RBFOX1: variants seen among roughly 807,000 people sequenced by gnomAD.
The protein encoded by RBFOX1 is RNA binding protein fox-1 homolog 1.
In RBFOX1, 8 loss-of-function variants were observed where a neutral mutation model predicts 57.7. The ratio of observed to expected loss-of-function variants is 0.14; its 90% CI spans 0.08 to 0.25. The LOEUF is 0.25. Ranked by LOEUF, RBFOX1 falls within the 10% of genes least tolerant of loss-of-function variation. The pLI is 1.00. For synonymous variants in RBFOX1, 326 were observed against 222.4 expected, an observed-to-expected ratio of 1.47 and a Z score of -4.15; for missense variants, 611 against 548.5, an observed-to-expected ratio of 1.11 and a Z score of -1.14.
intron 3 of RBFOX1, among the ~76,000 whole-genome samples, chr16:6,951,725 C>G (rs952459032): frequency 1.3e-5 from 2 of 152,080 alleles, no homozygotes; most frequent in Non-Finnish European, 2.9e-5. Context: ...AGACTCCACA[C>G]TTCTCTCTTT....
intron 3 of RBFOX1, among the ~76,000 whole-genome samples, chr16:6,859,111 G>GTATATATATATATA (rs796794349): frequency 7.7e-5 from 5 of 65,078 alleles, no homozygotes; most frequent in Middle Eastern, 6.5e-3. Flanking sequence ...TAAAAAAAGT[G>GTATATATATATATA]TATATATATA....
chr16:7,035,883 GACACACAC>G (rs34773276), intron 3 of RBFOX1, among the ~76,000 whole-genome samples: 4 of 151,060 alleles, frequency 2.6e-5, no homozygotes, highest in Admixed American at 6.6e-5. Flanking sequence ...TGTGAACACA[GACACACAC>G]ACACACACAT....
chr16:6,696,947 G>A (rs2061142285), intron 3 of RBFOX1, among the ~76,000 whole-genome samples: 1 of 152,172 alleles, frequency 6.6e-6, no homozygotes, highest in South Asian at 2.1e-4. Flanking sequence ...AGGCTAAAAT[G>A]CCTGTAGCCT....
chr16:5,442,048 C>T (rs984790098), intron 1 of RBFOX1, among the ~76,000 whole-genome samples: 1 of 152,132 alleles, frequency 6.6e-6, no homozygotes, highest in Admixed American at 6.5e-5. Flanking sequence ...GACATGTAAT[C>T]AAGCAGTCGT....
intron 3 of RBFOX1, among the ~76,000 whole-genome samples, chr16:6,944,882 G>C (rs372181862): frequency 9.9e-5 from 15 of 152,256 alleles, no homozygotes; most frequent in African/African-American, 3.6e-4. Context: ...TGGCTGATTC[G>C]TGGGTAGCTA....
At chr16:6,979,136 G>C (rs1173903828) in intron 3 of RBFOX1, among the ~76,000 whole-genome samples, 2 of 152,168 alleles carry the variant, frequency 1.3e-5, no homozygotes, top group African/African-American at 4.8e-5. Flanking sequence ...CCAAAAATCA[G>C]ACCTGAATTC....
At chr16:6,660,224 T>TAAA (rs112347010) in intron 3 of RBFOX1, among the ~76,000 whole-genome samples, 1 of 122,736 alleles carries the variant, frequency 8.1e-6, no homozygotes. Flanking sequence ...GACTTCATCT[T>TAAA]AAAAAAAAAA....
chr16:6,359,768 C>G (rs1447126336), intron 2 of RBFOX1, among the ~76,000 whole-genome samples: 1 of 152,162 alleles, frequency 6.6e-6, no homozygotes, highest in Non-Finnish European at 1.5e-5. Context: ...TACTTATACA[C>G]AGCCGACTTA....
At chr16:5,747,208 C>T (rs1217645710) in intron 3 of RBFOX1, among the ~76,000 whole-genome samples, 1 of 152,178 alleles carries the variant, frequency 6.6e-6, no homozygotes, top group Non-Finnish European at 1.5e-5. Context: ...ATATGTTGAA[C>T]CAGCCTTGCA....
intron 2 of RBFOX1, among the ~76,000 whole-genome samples, chr16:6,489,497 A>G (rs796167410): frequency 9.9e-5 from 15 of 152,284 alleles, no homozygotes; most frequent in African/African-American, 3.6e-4. Context: ...ATGAGATCAC[A>G]CAGCTTCTAA....
At chr16:7,104,730 T>C (rs2063280946) in intron 4 of RBFOX1, among the ~76,000 whole-genome samples, 1 of 152,160 alleles carries the variant, frequency 6.6e-6, no homozygotes, top group Non-Finnish European at 1.5e-5. Flanking sequence ...GGAACTCTAA[T>C]GTTCATTTTC....
chr16:7,563,869 C>G (rs1393860906), intron 5 of RBFOX1, among the ~76,000 whole-genome samples: 7 of 152,244 alleles, frequency 4.6e-5, no homozygotes, highest in Non-Finnish European at 2.9e-5. Context: ...ATTCCACTTT[C>G]TGATAAGCAG....
chr16:6,888,805 C>T (rs939694589), intron 3 of RBFOX1, among the ~76,000 whole-genome samples: 1 of 152,102 alleles, frequency 6.6e-6, no homozygotes, highest in African/African-American at 2.4e-5. Flanking sequence ...TATTGTGTTA[C>T]CAAACATTAG....
intron 1 of RBFOX1, among the ~76,000 whole-genome samples, chr16:5,298,663 C>A (rs865789429): frequency 4.9e-5 from 1 of 20,270 alleles, no homozygotes; most frequent in Non-Finnish European, 1.1e-4. Context: ...CCTCCCTCCC[C>A]CCTCCCCCAT....
rs1480007479 is a variant in RBFOX1, at chr16:6,414,564, CT to C, written c.-64+97508del. On this transcript the variant is annotated intron_variant, in intron 2 of 15. Transcript: ENST00000550418. The stretch of plus-strand genomic sequence containing the variant: ...CAAGTGCAAAGAAGAAAATAAAGTA[CT>C]GTGTAAGTTCGTTAAGCAAAGGGGT... Among the ~76,000 whole-genome samples, 10 of 152,272 alleles carry C rather than the reference CT, an allele frequency of 6.6e-5. No individual in the cohort carries two copies. The East Asian group carries it at 1.2e-3, about 18-fold the overall frequency.
Position 5,969,468 on chromosome 16 carries a change from C to T in RBFOX1, c.351+102133C>T, listed in dbSNP as rs1315733938. Reference sequence around the variant, plus strand: ...CTGGGATTACAGGCACATGCCATCACGCCTGGCTATTTTTTTTTTTTTTTT... The same window carrying T: ...CTGGGATTACAGGCACATGCCATCATGCCTGGCTATTTTTTTTTTTTTTTT... On this transcript the variant is annotated intron_variant, in intron 4 of 19. Transcript: ENST00000641259. Among the ~76,000 whole-genome samples the T allele has an allele frequency of 1.8e-4, 26 of 145,176 alleles. 1 individual carries two copies. In the East Asian group the frequency reaches 5.1e-3, roughly 28 times the overall value.
intron 2 of RBFOX1, among the ~76,000 whole-genome samples, chr16:6,558,862 T>A (rs1158572319): frequency 7.3e-6 from 1 of 136,676 alleles, no homozygotes; most frequent in Non-Finnish European, 1.5e-5. Flanking sequence ...ACCCAGCTCC[T>A]CCTGAGTGGG....
At chr16:7,570,267 T>C (rs2092638480) in intron 5 of RBFOX1, among the ~76,000 whole-genome samples, 1 of 152,102 alleles carries the variant, frequency 6.6e-6, no homozygotes, top group Non-Finnish European at 1.5e-5. Context: ...TTCACCAGCA[T>C]CCTTGAGCTA....
At chr16:5,661,609 T>C (rs1328043582) in intron 3 of RBFOX1, among the ~76,000 whole-genome samples, 1 of 152,238 alleles carries the variant, frequency 6.6e-6, no homozygotes, top group African/African-American at 2.4e-5. Context: ...TTGATGTACA[T>C]ACACATTGTG....
Sources: gnomAD v4.1 joint callset for allele counts (sites outside exome capture counted in the v4.1 genomes callset) on GRCh38, gnomAD v4.1.1 for gene constraint, MANE v1.5 for transcripts, NCBI Gene and HGNC (gene_info 2026-07-23, HGNC 2026-07-21) for gene names.